The following B3GALT1 variants were observed in gnomAD, a reference collection of about 807,000 sequenced individuals.
B3GALT1 encodes the protein UDP-Gal:betaGlcNAc beta 1,3-galactosyltransferase, polypeptide 1.
B3GALT1 carries 10 observed loss-of-function variants against 23.2 expected under a neutral mutation model. That is an observed-to-expected ratio of 0.43 (90% CI 0.27 to 0.73). B3GALT1 has a LOEUF of 0.73. Ranked by LOEUF, B3GALT1 falls within the 30% of genes least tolerant of loss-of-function variation. The pLI is 0.21. For missense variants in B3GALT1, 299 were observed against 405.4 expected, an observed-to-expected ratio of 0.74 and a Z score of 2.25; for synonymous variants, 156 against 141.5, an observed-to-expected ratio of 1.10 and a Z score of -0.73.
chr2:167,828,469 A>T lies in B3GALT1; in HGVS notation c.-230+9676A>T, dbSNP rs1689274877. Among the ~76,000 whole-genome samples the T allele has an allele frequency of 2.6e-5, 4 of 152,152 alleles. No homozygotes were observed. The South Asian group carries it at 8.3e-4, about 32-fold the overall frequency. ...GTCATAGAGTGGATGGGAACCTACC[A>T]GTGTGTGGTTTCTGATATTTTTTCC... On this transcript the variant is annotated intron_variant, in intron 4 of 4. Transcript: ENST00000392690.
chr2:167,806,717 C>G (rs951762276), intron 3 of B3GALT1, among the ~76,000 whole-genome samples: 9 of 152,150 alleles, frequency 5.9e-5, no homozygotes, highest in African/African-American at 2.2e-4. Flanking sequence ...ATTTGGTTGC[C>G]AGTATTTTAT....
chr2:167,807,682 GTT>G, intron 3 of B3GALT1, among the ~76,000 whole-genome samples: 1 of 152,310 alleles, frequency 6.6e-6, no homozygotes. Flanking sequence ...CTGAAACACA[GTT>G]TGTTATAATT....
chr2:167,298,201 AT>A (rs1344068637), intron 1 of B3GALT1, among the ~76,000 whole-genome samples: 2 of 152,140 alleles, frequency 1.3e-5, no homozygotes, highest in Admixed American at 6.5e-5. Context: ...AACCCAGGTG[AT>A]TCTGCAACTT....
chr2:167,457,921 A>T (rs940855773), intron 1 of B3GALT1, among the ~76,000 whole-genome samples: 1 of 152,208 alleles, frequency 6.6e-6, no homozygotes, highest in Non-Finnish European at 1.5e-5. Flanking sequence ...GATTCTGTAC[A>T]CACTTATTTG....
At chr2:167,584,411 T>G (rs1684550165) in intron 2 of B3GALT1, among the ~76,000 whole-genome samples, 1 of 152,172 alleles carries the variant, frequency 6.6e-6, no homozygotes. Context: ...CCTACGTTTT[T>G]CCTATTCTCT....
intron 1 of B3GALT1, among the ~76,000 whole-genome samples, chr2:167,477,770 A>G (rs1045542651): frequency 3.9e-5 from 6 of 152,226 alleles, no homozygotes; most frequent in Non-Finnish European, 8.8e-5. Context: ...AAACTGTTCA[A>G]CATTTTAAAG....
At chr2:167,544,237 C>G (rs1683586897) in intron 2 of B3GALT1, among the ~76,000 whole-genome samples, 1 of 152,152 alleles carries the variant, frequency 6.6e-6, no homozygotes, top group Non-Finnish European at 1.5e-5. Flanking sequence ...CAACCCCTAG[C>G]TCATATAGGT....
At chr2:167,813,385 C>T (rs574696772) in intron 3 of B3GALT1, among the ~76,000 whole-genome samples, 19 of 151,992 alleles carry the variant, frequency 1.3e-4, no homozygotes, top group Non-Finnish European at 2.1e-4. Flanking sequence ...ATGTGGTAGC[C>T]GATAGAATAG....
chr2:167,565,403 C>A (rs1684138350), intron 2 of B3GALT1, among the ~76,000 whole-genome samples: 1 of 152,092 alleles, frequency 6.6e-6, no homozygotes, highest in Non-Finnish European at 1.5e-5. Context: ...CCACAAAAAC[C>A]CTAGAAGAAA....
chr2:167,379,814 C>T (rs755665265), intron 1 of B3GALT1, among the ~76,000 whole-genome samples: 4 of 152,206 alleles, frequency 2.6e-5, no homozygotes, highest in Admixed American at 2.0e-4. Flanking sequence ...TAGAGGTGTG[C>T]GTAGGCATAG....
At chr2:167,776,077 C>A (rs1553486432) in intron 3 of B3GALT1, among the ~76,000 whole-genome samples, 3 of 146,314 alleles carry the variant, frequency 2.1e-5, no homozygotes, top group Admixed American at 6.8e-5. Context: ...CACACACACA[C>A]AATTATAGGT....
chr2:167,427,256 G>A (rs1245076449), intron 1 of B3GALT1, among the ~76,000 whole-genome samples: 1 of 152,228 alleles, frequency 6.6e-6, no homozygotes, highest in Non-Finnish European at 1.5e-5. Context: ...GAGAGCTGTG[G>A]TTGTGGAGGT....
At chr2:167,853,043 A>G (rs1409797450) in intron 4 of B3GALT1, among the ~76,000 whole-genome samples, 3 of 152,192 alleles carry the variant, frequency 2.0e-5, no homozygotes, top group African/African-American at 7.2e-5. Context: ...TAACCTATTG[A>G]TTGAGTTATT....
At chr2:167,573,587 G>GT (rs1172223403) in intron 2 of B3GALT1, among the ~76,000 whole-genome samples, 2 of 151,768 alleles carry the variant, frequency 1.3e-5, no homozygotes, top group African/African-American at 4.8e-5. Context: ...GTTTATAATA[G>GT]TAAGTACCAG....
chr2:167,774,591 G>A (rs540648264), intron 3 of B3GALT1, among the ~76,000 whole-genome samples: 2 of 146,004 alleles, frequency 1.4e-5, no homozygotes, highest in South Asian at 2.2e-4. Flanking sequence ...TCCGCCTCCC[G>A]GGTTCAAGTG....
At chr2:167,711,041 C>A (rs1410985275) in intron 3 of B3GALT1, among the ~76,000 whole-genome samples, 1 of 152,134 alleles carries the variant, frequency 6.6e-6, no homozygotes, top group Non-Finnish European at 1.5e-5. Context: ...ATCCCTCTCT[C>A]CCCACTCAAA....
At chr2:167,581,622 C>T (rs1454979328) in intron 2 of B3GALT1, among the ~76,000 whole-genome samples, 1 of 152,164 alleles carries the variant, frequency 6.6e-6, no homozygotes, top group Non-Finnish European at 1.5e-5. Context: ...CCTCCTGTGC[C>T]ATTCATGCAG....
At chr2:167,567,589 C>T (rs970062461) in intron 2 of B3GALT1, among the ~76,000 whole-genome samples, 4 of 151,978 alleles carry the variant, frequency 2.6e-5, no homozygotes, top group African/African-American at 9.7e-5. Flanking sequence ...TTTTTTAGAG[C>T]AGTTTTATTT....
chr2:167,526,186 AACACAC>A (rs143744265), intron 2 of B3GALT1, among the ~76,000 whole-genome samples: 1 of 150,236 alleles, frequency 6.7e-6, no homozygotes, highest in African/African-American at 2.4e-5. Context: ...AGAGTTAGGT[AACACAC>A]ACACACACAC....
Sources: gnomAD v4.1 joint callset for allele counts (sites outside exome capture counted in the v4.1 genomes callset) on GRCh38, gnomAD v4.1.1 for gene constraint, MANE v1.5 for transcripts, NCBI Gene and HGNC (gene_info 2026-07-23, HGNC 2026-07-21) for gene names.